Variants in IDO2 observed in about 807,000 individuals in gnomAD.
IDO2 encodes indoleamine 2,3-dioxygenase-like 1 protein.
A neutral mutation model predicts 45.1 loss-of-function variants in IDO2; 46 were observed. The observed-to-expected ratio is 1.02, with a 90% CI of 0.80 to 1.30. The LOEUF (loss-of-function observed/expected upper bound fraction) is 1.30. IDO2 is among the 50% of genes most tolerant of loss of function. The pLI is 0.00. For missense variants in IDO2, 544 were observed against 491.8 expected, an observed-to-expected ratio of 1.11 and a Z score of -1.00; for synonymous variants, 218 against 184.9, an observed-to-expected ratio of 1.18 and a Z score of -1.45.
At chr8:39,971,517 A>T (rs1204185015) in intron 3 of IDO2, among the ~76,000 whole-genome samples, 5 of 152,202 alleles carry the variant, frequency 3.3e-5, no homozygotes, top group Non-Finnish European at 5.9e-5. Flanking sequence ...TTGTAAGGCT[A>T]TTCCTGACAC....
intron 4 of IDO2, among the ~76,000 whole-genome samples, chr8:39,980,607 A>G (rs1193513256): frequency 6.6e-6 from 1 of 152,176 alleles, no homozygotes; most frequent in African/African-American, 2.4e-5. Flanking sequence ...CTAGAACTCC[A>G]CGGTGAAGAG....
At chr8:39,987,605 C>T in intron 6 of IDO2, 2 of 335,856 alleles carry the variant, frequency 6.0e-6, no homozygotes, top group Non-Finnish European at 1.1e-5. Flanking sequence ...AGTTATTCCA[C>T]TGCGGAGATG....
intron 1 of IDO2, among the ~76,000 whole-genome samples, chr8:39,941,718 G>C (rs1311594231): frequency 6.6e-6 from 1 of 152,052 alleles, no homozygotes; most frequent in East Asian, 1.9e-4. Flanking sequence ...TGCATGTTTA[G>C]GGATGAAATA....
chr8:39,998,755 C>T (rs1184592134), intron 8 of IDO2, among the ~76,000 whole-genome samples: 1 of 150,142 alleles, frequency 6.7e-6, no homozygotes, highest in Non-Finnish European at 1.5e-5. Context: ...ATTCTCGTGC[C>T]TCAACTTCCC....
Position 39,979,199 on chromosome 8 carries a change from G to A in IDO2, c.315+13G>A. 1 of 1,569,112 alleles carries A rather than the reference G, an allele frequency of 6.4e-7. No individual in the cohort carries two copies. The highest frequency in any genetic ancestry group is 1.4e-5 in the African/African-American group (1 of 74,042). On this transcript the variant is annotated intron_variant, in intron 4 of 10. Coordinates refer to ENST00000502986, the Ensembl canonical transcript of IDO2. Reference sequence around the variant, plus strand: ...GCAGCCTGCAGAGGTGAGGGCCAGAGAGCAGCTTCTCCTGTTACCCGGCAG... The same window carrying A: ...GCAGCCTGCAGAGGTGAGGGCCAGAAAGCAGCTTCTCCTGTTACCCGGCAG...
chr8:40,010,140 A>G (rs1199895062), intron 9 of IDO2, among the ~76,000 whole-genome samples: 1 of 152,200 alleles, frequency 6.6e-6, no homozygotes, highest in Non-Finnish European at 1.5e-5. Context: ...AGCTGGATAG[A>G]GAGTATTAGA....
chr8:39,952,799 C>T (rs999977426), intron 2 of IDO2, among the ~76,000 whole-genome samples: 4 of 150,894 alleles, frequency 2.7e-5, no homozygotes, highest in Non-Finnish European at 4.4e-5. Flanking sequence ...TTTGAGATGG[C>T]GTCTTGTACC....
intron 8 of IDO2, among the ~76,000 whole-genome samples, chr8:40,000,051 C>T (rs2543079): frequency 0.82 from 124,956 of 152,182 alleles, 51,691 homozygotes; most frequent in East Asian, 0.92. Context: ...TAATCAAAGA[C>T]AATTTTTTAA....
chr8:39,993,727 A>T (rs759733428), intron 8 of IDO2, among the ~76,000 whole-genome samples: 1 of 152,212 alleles, frequency 6.6e-6, no homozygotes, highest in Non-Finnish European at 1.5e-5. Flanking sequence ...AGATGTTCAC[A>T]GGCCAGACCT....
intron 8 of IDO2, among the ~76,000 whole-genome samples, chr8:39,993,152 G>C (rs1485175950): frequency 6.6e-6 from 1 of 152,116 alleles, no homozygotes; most frequent in Non-Finnish European, 1.5e-5. Context: ...GACTCAGCCA[G>C]ATCTGAGCTT....
chr8:39,982,653 T>C (rs764289652), exon 5 of IDO2: 3 of 1,594,598 alleles, frequency 1.9e-6, no homozygotes, highest in South Asian at 1.1e-5. Flanking sequence ...ATCTGAAAGG[T>C]CCTGCCAAGG....
intron 8 of IDO2, among the ~76,000 whole-genome samples, chr8:39,993,394 A>G (rs1423662919): frequency 1.3e-5 from 2 of 152,144 alleles, no homozygotes; most frequent in African/African-American, 2.4e-5. Context: ...TGCTTGACCC[A>G]TCGGCGCATT....
chr8:40,014,776 C>G (rs75669483), intron 10 of IDO2, among the ~76,000 whole-genome samples: 1 of 152,134 alleles, frequency 6.6e-6, no homozygotes, highest in Non-Finnish European at 1.5e-5. Flanking sequence ...CATTTGAGTA[C>G]GTGAAGTCTG....
chr8:39,970,180 A>G (rs1401630994), intron 3 of IDO2, among the ~76,000 whole-genome samples: 1 of 152,212 alleles, frequency 6.6e-6, no homozygotes. Context: ...CTTCAATTCT[A>G]CAAAGTCTGA....
chr8:39,946,104 T>G (rs1013977584), intron 1 of IDO2, among the ~76,000 whole-genome samples: 2 of 152,132 alleles, frequency 1.3e-5, no homozygotes, highest in Non-Finnish European at 2.9e-5. Context: ...CCTAAACTGC[T>G]CCTAAGATCA....
intron 9 of IDO2, among the ~76,000 whole-genome samples, chr8:40,013,169 C>G (rs1262607567): frequency 6.6e-6 from 1 of 152,020 alleles, no homozygotes; most frequent in Non-Finnish European, 1.5e-5. Flanking sequence ...TAAAAAGTAT[C>G]TGCTCATCAA....
Position 40,011,955 on chromosome 8 carries a change from C to T in IDO2, c.720-1610C>T, listed in dbSNP as rs56976900. 4.8e-3 allele frequency among the ~76,000 whole-genome samples: 732 copies of T among 152,324 alleles called. 5 individuals carry two copies. The highest frequency in any genetic ancestry group is 0.016 in the African/African-American group (658 of 41,580). On this transcript the variant is annotated intron_variant, in intron 9 of 10. Coordinates refer to ENST00000502986, the Ensembl canonical transcript of IDO2. ...TTCCCCTGCACTGCTTTCTGTACCG[C>T]ATCTCTTTTCAGAGTGATGTTGCCC...
At chr8:39,944,358 G>A (rs1807700735) in intron 1 of IDO2, among the ~76,000 whole-genome samples, 1 of 152,134 alleles carries the variant, frequency 6.6e-6, no homozygotes, top group Non-Finnish European at 1.5e-5. Context: ...GTGAGTCTCT[G>A]TTCTGTAATG....
chr8:39,973,832 C>G (rs180738490), intron 3 of IDO2, among the ~76,000 whole-genome samples: 45 of 151,480 alleles, frequency 3.0e-4, no homozygotes, highest in African/African-American at 1.0e-3. Context: ...ACCTCCACTT[C>G]CCGGGTTCAA....
Sources: allele counts gnomAD v4.1 joint callset (sites outside exome capture counted in the v4.1 genomes callset), GRCh38; gene constraint gnomAD v4.1.1; transcripts MANE v1.5; gene names NCBI Gene and HGNC (gene_info 2026-07-23, HGNC 2026-07-21).